The following MAST3 variants were observed in gnomAD, a reference collection of about 807,000 sequenced individuals.
MAST3 encodes the protein microtubule-associated serine/threonine-protein kinase 3.
In MAST3, 43 loss-of-function variants were observed where a neutral mutation model predicts 127.0. The observed-to-expected ratio is 0.34, with a 90% CI of 0.27 to 0.44. The LOEUF (loss-of-function observed/expected upper bound fraction) is 0.44. Ranked by LOEUF, MAST3 falls within the 20% of genes least tolerant of loss-of-function variation. The pLI, the probability that MAST3 is intolerant of heterozygous loss-of-function variation, is 1.00. For synonymous variants in MAST3, 785 were observed against 809.2 expected (o/e 0.97, Z 0.51); for missense variants, 1,390 against 1,919.1 (o/e 0.72, Z 5.15).
chr19:18,108,324 G>T (rs2038224345), intron 2 of MAST3, among the ~76,000 whole-genome samples: 1 of 150,810 alleles, frequency 6.6e-6, no homozygotes, highest in Non-Finnish European at 1.5e-5. Flanking sequence ...TCTCTCTCGG[G>T]ATCACATCAG....
At position 18,149,286 on chromosome 19, in the gene MAST3, C is replaced by T. The variant is rs1311312414; in HGVS notation, c.3604C>T (p.Leu1202=). Residue 1202 remains leucine, a synonymous_variant, in exon 28 of 28, where the codon CTG becomes TTG. Transcript: ENST00000687212. The surrounding 1 kb of genome is among the most constrained non-coding windows in gnomAD (Gnocchi z 5.9). ...CACCCGCCCCAGCTCCCTGCACGGCCTGGCTGCCAAGCTTGGGCCACCCCG... is the reference window on the plus strand; with the variant it reads ...CACCCGCCCCAGCTCCCTGCACGGCTTGGCTGCCAAGCTTGGGCCACCCCG... ...GHTRPSSLHG[L]AAKLGPPRPK... is the part of the protein sequence containing the mutation. 7 of 1,542,944 alleles carry T rather than the reference C, an allele frequency of 4.5e-6. No homozygotes were observed. Among genetic ancestry groups the T allele is most frequent in the Non-Finnish European group, 6.1e-6 (7 of 1,147,418 alleles).
chr19:18,144,384 C>T lies in MAST3; in HGVS notation c.2585-82C>T. On this transcript the variant is annotated intron_variant, in intron 22 of 27. Coordinates refer to ENST00000687212, the MANE Select transcript of MAST3 (RefSeq NM_001393504.1). The surrounding 1 kb of genome is among the most constrained non-coding windows in gnomAD (Gnocchi z 4.0). ...GGAGGCTGGACTGTGTAAATAGTGA[C>T]CAGGGAGGAAGGGCCTTAAGGTCCC... The T allele has an allele frequency of 2.5e-6, 3 of 1,196,578 alleles. No individual in the cohort carries two copies. Among genetic ancestry groups the T allele is most frequent in the South Asian group, 2.6e-5 (2 of 76,766 alleles). 74.1% of individuals were successfully genotyped at this position (1,196,578 alleles called of 1,614,324 possible). A position where few individuals can be genotyped will look rare whatever the true frequency, so the allele number is the denominator to read the frequency against.
chr19:18,128,958 C>T lies in MAST3; in HGVS notation c.1223+7C>T. The T allele has an allele frequency of 6.2e-7, 1 of 1,613,220 alleles. No individual in the cohort carries two copies. Among genetic ancestry groups the T allele is most frequent in the Non-Finnish European group, 8.5e-7 (1 of 1,179,278 alleles). ...TTAGCAACGGAGCCTATGGGTGAGT[C>T]CCTGAGTCCTGCATAGACCCATTTC... is the stretch of plus-strand genomic sequence containing the variant. On this transcript the variant is annotated splice_region_variant and intron_variant, in intron 13 of 27. Transcript: ENST00000687212.
Position 18,144,462 on chromosome 19 carries a change from C to G in MAST3, c.2585-4C>G, listed in dbSNP as rs2052349898. 1 of 1,556,374 alleles carries G rather than the reference C, an allele frequency of 6.4e-7. No homozygotes were observed. Among genetic ancestry groups the G allele is most frequent in the Non-Finnish European group, 8.7e-7 (1 of 1,152,890 alleles). ...GCACCCAGCTGACCCTGCTGACCCT[C>G]TAGCCGACACAGCTGCTCTCAGCCA... is the stretch of plus-strand genomic sequence containing the variant. On this transcript the variant is annotated splice_polypyrimidine_tract_variant and splice_region_variant and intron_variant, in intron 22 of 27. Transcript: ENST00000687212. The surrounding 1 kb of genome is among the most constrained non-coding windows in gnomAD (Gnocchi z 4.0).
rs535365861 is a variant in MAST3 at position 18,133,589 on chromosome 19, C to CGA, written c.1572-990_1572-989insGA. ...TTTTTTTTTGAGACGGGGTCTCACT[C>CGA]TGTCGCCAGGCTGGAGTGCAGTGGT... is the stretch of plus-strand genomic sequence containing the variant. On this transcript the variant is annotated intron_variant, in intron 15 of 27. Transcript: ENST00000687212. Among the ~76,000 whole-genome samples the CGA allele has an allele frequency of 1.6e-3, 209 of 129,828 alleles. 2 individuals are homozygous for CGA. The highest frequency in any genetic ancestry group is 6.1e-3 in the African/African-American group (204 of 33,644). 85.2% of individuals were successfully genotyped at this position (129,828 alleles called of 152,430 possible). A position where few individuals can be genotyped will look rare whatever the true frequency, so the allele number is the denominator to read the frequency against.
At chr19:18,115,336 A>T (rs1421927864) in intron 3 of MAST3, among the ~76,000 whole-genome samples, 1 of 152,074 alleles carries the variant, frequency 6.6e-6, no homozygotes, top group Non-Finnish European at 1.5e-5. Context: ...ATGTCAGGGC[A>T]GTGGGTGTAT....
intron 3 of MAST3, among the ~76,000 whole-genome samples, chr19:18,120,013 C>T (rs901144559): frequency 3.3e-5 from 5 of 152,202 alleles, no homozygotes; most frequent in Admixed American, 3.3e-4. Context: ...TCTGGTGGGG[C>T]GGGGGACGGT....
intron 13 of MAST3, chr19:18,129,301 C>A: frequency 3.9e-6 from 1 of 257,792 alleles, no homozygotes. Flanking sequence ...AAGGGAAGTC[C>A]CTCATAGCAT....
chr19:18,141,118 G>A (rs2042426708), intron 20 of MAST3, among the ~76,000 whole-genome samples: 3 of 152,128 alleles, frequency 2.0e-5, no homozygotes, highest in South Asian at 4.1e-4. Flanking sequence ...ATAACCTCAC[G>A]AGCTTAACTT....
At chr19:18,097,870 C>T in intron 1 of MAST3, 39 bp downstream of exon 1, 2 of 1,222,136 alleles carry the variant, frequency 1.6e-6, no homozygotes, top group African/African-American at 1.6e-5. Flanking sequence ...GCAGAGGGCG[C>T]GGCCAAGTGG....
rs747132177 is a variant in MAST3 at position 18,141,962 on chromosome 19, G to A, written c.2286G>A (p.Glu762=). The stretch of plus-strand genomic sequence containing the variant: ...GGAGCTTCAGTGAAGACCGGGAGGA[G>A]GGGTGGGAGCGCAGCGAAGTGGACT... ...AERSFSEDRE[E]GWERSEVDYG... Residue 762 remains glutamate, a synonymous_variant, in exon 21 of 28, where the codon GAG becomes GAA. Transcript: ENST00000687212. 1.9e-6 allele frequency: 3 copies of A among 1,557,156 alleles called. No individual in the cohort carries two copies. The highest frequency in any genetic ancestry group is 2.6e-6 in the Non-Finnish European group (3 of 1,148,232).
chr19:18,128,472 G>T lies in MAST3; in HGVS notation c.1137+14G>T. 6.4e-7 allele frequency: 1 copy of T among 1,552,040 alleles called. No individual in the cohort carries two copies. Among genetic ancestry groups the T allele is most frequent in the Admixed American group, 2.0e-5 (1 of 51,140 alleles). On this transcript the variant is annotated intron_variant, in intron 12 of 27. Coordinates refer to ENST00000687212, the MANE Select transcript of MAST3 (RefSeq NM_001393504.1). ...GAGTCCCCAGAGGTGAGTAGCAGAG[G>T]CTGGGGGACCCCCGCTCATCTTGTT... is the stretch of plus-strand genomic sequence containing the variant.
At chr19:18,099,455 G>T (rs989290477) in intron 1 of MAST3, among the ~76,000 whole-genome samples, 6 of 151,994 alleles carry the variant, frequency 3.9e-5, no homozygotes, top group Admixed American at 6.6e-5. Context: ...CCTCCGGGTA[G>T]GCGAATGGGG....
Position 18,110,659 on chromosome 19 carries a change from C to T in MAST3, c.79C>T (p.Pro27Ser), listed in dbSNP as rs1056083318. 4.0e-5 allele frequency: 39 copies of T among 985,626 alleles called. No homozygotes were observed. Among genetic ancestry groups the T allele is most frequent in the Admixed American group, 6.1e-5 (1 of 16,272 alleles). The allele number at this position is 985,626 out of a possible 1,614,324, so 61.1% of individuals were successfully genotyped here. ...CGGCCTCTTTCTTTGCAGTCTGTCT[C>T]CGAGCAGCCAGAGCCCGTCCCTGCT... Reference protein sequence around the residue: ...SLPRRGRGLSPSSQSPSLLGP... With the variant: ...SLPRRGRGLSSSSQSPSLLGP... Residue 27 changes from proline (P) to serine (S), a missense_variant, in exon 3 of 28, where the codon CCG becomes TCG. Pro to Ser is a moderately conservative substitution (Grantham distance 74). Coordinates refer to ENST00000687212, the MANE Select transcript of MAST3 (RefSeq NM_001393504.1). The surrounding 1 kb of genome is among the most constrained non-coding windows in gnomAD (Gnocchi z 4.3).
intron 1 of MAST3, 82 bp downstream of exon 1, chr19:18,097,913 C>A: frequency 9.1e-7 from 1 of 1,093,602 alleles, no homozygotes; most frequent in Non-Finnish European, 1.2e-6. Context: ...AGGGGCGGGG[C>A]CTTCACGGGC....
Position 18,129,054 on chromosome 19 carries a change from A to G in MAST3, c.1223+103A>G, listed in dbSNP as rs571963786. On this transcript the variant is annotated intron_variant, in intron 13 of 27. Transcript: ENST00000687212. ...CCCCTCCTACCCCAGCAGGGCTCAC[A>G]CATTCATCCTTGAATGGGCAGAGAA... 1,255 of 985,366 alleles carry G rather than the reference A, an allele frequency of 1.3e-3. 9 individuals carry two copies. In the South Asian group the frequency reaches 0.013, roughly 11 times the overall value. 61.0% of individuals were successfully genotyped at this position (985,366 alleles called of 1,614,324 possible). A position where few individuals can be genotyped will look rare whatever the true frequency, so the allele number is the denominator to read the frequency against.
intron 3 of MAST3, among the ~76,000 whole-genome samples, chr19:18,118,469 G>C (rs1046420582): frequency 1.3e-5 from 2 of 152,184 alleles, no homozygotes; most frequent in Non-Finnish European, 2.9e-5. Context: ...CTGTCCGCCA[G>C]CGTCGCAGCT....
chr19:18,124,586 G>GGAAC lies in MAST3; in HGVS notation c.946-56_946-55insGAAC, dbSNP rs1046730501. On this transcript the variant is annotated intron_variant, in intron 10 of 27. Transcript: ENST00000687212. ...GCTCCAGGCAGAGGGAACAGCATGT[G>GGAAC]CAGAGGCCTGCAGGTGGAACCAAGC... The GGAAC allele has an allele frequency of 2.4e-5, 36 of 1,517,264 alleles. No homozygotes were observed. In the African/African-American group the frequency reaches 4.5e-4, roughly 19 times the overall value. 94.0% of individuals were successfully genotyped at this position (1,517,264 alleles called of 1,614,324 possible). A position where few individuals can be genotyped will look rare whatever the true frequency, so the allele number is the denominator to read the frequency against.
chr19:18,149,369 C>G lies in MAST3; in HGVS notation c.3687C>G (p.Cys1229Trp). 6.7e-7 allele frequency: 1 copy of G among 1,489,122 alleles called. No individual in the cohort carries two copies. The highest frequency in any genetic ancestry group is 8.9e-7 in the Non-Finnish European group (1 of 1,120,828). The allele number at this position is 1,489,122 out of a possible 1,614,324, so 92.2% of individuals were successfully genotyped here. A position where few individuals can be genotyped will look rare whatever the true frequency, so the allele number is the denominator to read the frequency against. ...TSSIPPSPLACPPISAPPPRS... is the reference protein window; with the variant it reads ...TSSIPPSPLAWPPISAPPPRS... Reference sequence around the variant, plus strand: ...GCATCCCGCCCTCCCCGCTGGCCTGCCCGCCCATCTCCGCGCCCCCACCCC... The same window carrying G: ...GCATCCCGCCCTCCCCGCTGGCCTGGCCGCCCATCTCCGCGCCCCCACCCC... The change falls in exon 28 of 28, where the codon TGC becomes TGG. Residue 1229 changes from cysteine to tryptophan, a missense_variant. This residue lies in a region of MAST3 where 816 missense variants were observed against 934.1 expected (regional missense o/e 0.87). Transcript: ENST00000687212. The surrounding 1 kb of genome is among the most constrained non-coding windows in gnomAD (Gnocchi z 5.9).
Sources: allele counts gnomAD v4.1 joint callset (sites outside exome capture counted in the v4.1 genomes callset), GRCh38; gene constraint gnomAD v4.1.1; regional missense constraint gnomAD v4.1.1; non-coding constraint Gnocchi (gnomAD v3.1); transcripts MANE v1.5; gene names NCBI Gene and HGNC (gene_info 2026-07-23, HGNC 2026-07-21).